Variants in ZPBP observed in about 807,000 individuals in gnomAD.
ZPBP encodes zona pellucida-binding protein 1.
ZPBP carries 26 observed loss-of-function variants against 44.8 expected under a neutral mutation model. That is an observed-to-expected ratio of 0.58 (90% confidence interval 0.43 to 0.81). ZPBP has a LOEUF of 0.81. Ranked by LOEUF, ZPBP falls within the 30% of genes least tolerant of loss-of-function variation. The probability of loss-of-function intolerance (pLI) is 0.00; values close to 1 mark genes in which losing one functional copy is unlikely to be tolerated. For synonymous variants in ZPBP, 174 were observed against 153.2 expected (o/e 1.14, Z -1.00); for missense variants, 409 against 434.0 (o/e 0.94, Z 0.51).
At chr7:49,893,324 C>T (rs1792223850) in intron 2 of ZPBP, among the ~76,000 whole-genome samples, 2 of 152,130 alleles carry the variant, frequency 1.3e-5, no homozygotes, top group Non-Finnish European at 2.9e-5. Flanking sequence ...GGCTCCTATT[C>T]CTGCATAGCA....
chr7:49,887,482 T>C (rs1334346168), intron 2 of ZPBP, among the ~76,000 whole-genome samples: 1 of 151,964 alleles, frequency 6.6e-6, no homozygotes, highest in Non-Finnish European at 1.5e-5. Context: ...ACAATGTTTT[T>C]GTTTTCATAA....
intron 1 of ZPBP, chr7:49,921,764 A>C (rs1029130039): frequency 1.3e-5 from 2 of 152,198 alleles, no homozygotes; most frequent in Admixed American, 1.3e-4. Flanking sequence ...CCTCATGTTT[A>C]CATTTAACAC....
chr7:49,999,668 A>C (rs972306602), intron 6 of ZPBP, among the ~76,000 whole-genome samples: 1 of 151,074 alleles, frequency 6.6e-6, no homozygotes, highest in Non-Finnish European at 1.5e-5. Context: ...GGGAAGGAGA[A>C]GATGGATGTT....
intron 7 of ZPBP, among the ~76,000 whole-genome samples, chr7:49,960,235 C>T (rs1795803748): frequency 6.6e-6 from 1 of 152,030 alleles, no homozygotes; most frequent in Admixed American, 6.6e-5. Flanking sequence ...GCCTGGTCAA[C>T]ATGGTGAAAG....
intron 7 of ZPBP, among the ~76,000 whole-genome samples, chr7:49,966,070 A>C (rs1796047520): frequency 6.6e-6 from 1 of 152,104 alleles, no homozygotes; most frequent in Admixed American, 6.6e-5. Context: ...CCAGGAGCAT[A>C]TAACAATCTT....
At chr7:49,852,718 A>C (rs1220814724) in intron 2 of ZPBP, among the ~76,000 whole-genome samples, 1 of 152,134 alleles carries the variant, frequency 6.6e-6, no homozygotes, top group African/African-American at 2.4e-5. Flanking sequence ...CTACAGATCA[A>C]AATCTGCGGG....
chr7:49,885,397 T>C (rs1257768585), intron 2 of ZPBP, among the ~76,000 whole-genome samples: 1 of 152,084 alleles, frequency 6.6e-6, no homozygotes, highest in Non-Finnish European at 1.5e-5. Context: ...ATTATGTTCA[T>C]AAAAATTAAG....
chr7:49,907,921 A>T (rs1793192617), intron 1 of ZPBP, among the ~76,000 whole-genome samples: 1 of 152,180 alleles, frequency 6.6e-6, no homozygotes, highest in Admixed American at 6.5e-5. Flanking sequence ...CAGAGCTCTT[A>T]TCAGACCTAT....
At chr7:49,874,270 A>G (rs1240753907) in intron 2 of ZPBP, among the ~76,000 whole-genome samples, 1 of 152,236 alleles carries the variant, frequency 6.6e-6, no homozygotes, top group Non-Finnish European at 1.5e-5. Context: ...TAGAATTACA[A>G]TACTGCATTT....
At chr7:50,086,641 C>T (rs1174643427) in intron 2 of ZPBP, among the ~76,000 whole-genome samples, 1 of 151,848 alleles carries the variant, frequency 6.6e-6, no homozygotes, top group Admixed American at 6.6e-5. Context: ...GATAGGTCAA[C>T]ATGGGATTAC....
intron 2 of ZPBP, among the ~76,000 whole-genome samples, chr7:49,896,727 TA>T (rs1792400888): frequency 6.6e-6 from 1 of 152,006 alleles, no homozygotes; most frequent in South Asian, 2.1e-4. Context: ...CAACAGACAT[TA>T]AAAAGAAAAT....
intron 2 of ZPBP, among the ~76,000 whole-genome samples, chr7:49,852,987 A>T (rs1399639424): frequency 6.6e-6 from 1 of 152,186 alleles, no homozygotes; most frequent in Non-Finnish European, 1.5e-5. Context: ...GTTCTACTCC[A>T]GTCCAGAGCC....
In ZPBP at chr7:49,967,521, A is replaced by G. The variant is rs987386389; in HGVS notation, c.961+15821T>C. The stretch of plus-strand genomic sequence containing the variant: ...CTTTTAGAGTTAATGCTGCAATGGG[A>G]TGAGATTTATTTTATTTTATTTTAT... On this transcript the variant is annotated intron_variant, in intron 7 of 7. Transcript: ENST00000046087. Among the ~76,000 whole-genome samples the G allele has an allele frequency of 9.2e-5, 14 of 151,944 alleles. No homozygotes were observed. The East Asian group carries it at 2.1e-3, about 23-fold the overall frequency.
intron 2 of ZPBP, among the ~76,000 whole-genome samples, chr7:49,898,733 T>A (rs1792534135): frequency 6.6e-6 from 1 of 152,124 alleles, no homozygotes; most frequent in Admixed American, 6.5e-5. Context: ...ATTTTGTTAT[T>A]ATAAGATACT....
chr7:50,000,454 G>C (rs371399592), intron 6 of ZPBP, among the ~76,000 whole-genome samples: 3 of 152,096 alleles, frequency 2.0e-5, no homozygotes, highest in Non-Finnish European at 2.9e-5. Context: ...ATTAAGTAGA[G>C]ATCTGCAATT....
chr7:50,031,549 A>G (rs1799609208), intron 4 of ZPBP, among the ~76,000 whole-genome samples: 1 of 152,160 alleles, frequency 6.6e-6, no homozygotes, highest in Non-Finnish European at 1.5e-5. Flanking sequence ...AAGATTTTCT[A>G]TCCATCATAA....
chr7:50,000,031 G>A (rs774874487), intron 6 of ZPBP, among the ~76,000 whole-genome samples: 1 of 152,044 alleles, frequency 6.6e-6, no homozygotes, highest in African/African-American at 2.4e-5. Context: ...GAAGTAAATA[G>A]ATGTAAGGCT....
chr7:49,875,385 A>AAAC (rs1791365134), intron 2 of ZPBP, among the ~76,000 whole-genome samples: 2 of 149,684 alleles, frequency 1.3e-5, no homozygotes, highest in Non-Finnish European at 3.0e-5. Flanking sequence ...AAAAAAAAAA[A>AAAC]AAAAAAAAAA....
intron 2 of ZPBP, among the ~76,000 whole-genome samples, chr7:49,867,845 AT>A (rs11448329): frequency 7.9e-6 from 1 of 127,262 alleles, no homozygotes. Flanking sequence ...ATTTTATTTT[AT>A]TTTTTGAGGT....
Sources: gnomAD v4.1 joint callset for allele counts (sites outside exome capture counted in the v4.1 genomes callset) on GRCh38, gnomAD v4.1.1 for gene constraint, MANE v1.5 for transcripts, NCBI Gene and HGNC (gene_info 2026-07-23, HGNC 2026-07-21) for gene names.